MCU: variants seen among roughly 807,000 people sequenced by gnomAD.
The protein encoded by MCU is calcium uniporter protein, mitochondrial.
Under a neutral mutation model 45.2 loss-of-function variants are expected in MCU, and 12 were observed. That is an observed-to-expected ratio of 0.27 (90% CI 0.17 to 0.43). MCU has a LOEUF of 0.43. MCU is among the 20% of genes least tolerant of loss of function. The pLI, the probability that MCU is intolerant of heterozygous loss-of-function variation, is 1.00. For missense variants in MCU, 324 were observed against 436.7 expected (o/e 0.74, Z 2.30); for synonymous variants, 160 against 165.1 (o/e 0.97, Z 0.24).
intron 1 of MCU, among the ~76,000 whole-genome samples, chr10:72,697,422 T>C (rs569609918): frequency 2.4e-4 from 34 of 143,532 alleles, no homozygotes; most frequent in Admixed American, 4.9e-4. Flanking sequence ...CAGGCCAGAC[T>C]TCTATTTTTT....
chr10:72,839,942 T>C (rs1845022641), intron 2 of MCU, among the ~76,000 whole-genome samples: 1 of 115,752 alleles, frequency 8.6e-6, no homozygotes, highest in Non-Finnish European at 1.6e-5. Flanking sequence ...CCAGCCTGGG[T>C]GACAAAGCGA....
intron 1 of MCU, among the ~76,000 whole-genome samples, chr10:72,729,262 C>G (rs940057616): frequency 2.0e-5 from 3 of 152,042 alleles, no homozygotes; most frequent in Admixed American, 6.6e-5. Flanking sequence ...GTCAGGAGTT[C>G]GAGACCAGCC....
At chr10:72,743,412 CAA>C (rs374429962) in intron 1 of MCU, among the ~76,000 whole-genome samples, 162 of 74,436 alleles carry the variant, frequency 2.2e-3, no homozygotes, top group Middle Eastern at 8.3e-3. Context: ...TACTCCATCT[CAA>C]AAAAAAAAAA....
intron 1 of MCU, among the ~76,000 whole-genome samples, chr10:72,745,417 C>T (rs2132702754): frequency 6.6e-6 from 1 of 152,266 alleles, no homozygotes; most frequent in Non-Finnish European, 1.5e-5. Flanking sequence ...TTAGTAGAAA[C>T]AGCGTTTCAC....
At chr10:72,789,174 A>G (rs1241282740) in intron 1 of MCU, among the ~76,000 whole-genome samples, 1 of 152,170 alleles carries the variant, frequency 6.6e-6, no homozygotes, top group Non-Finnish European at 1.5e-5. Context: ...TGACTGTACC[A>G]GTTCTGAAAA....
chr10:72,839,951 G>A (rs1018688823), intron 2 of MCU, among the ~76,000 whole-genome samples: 5 of 128,512 alleles, frequency 3.9e-5, no homozygotes, highest in Admixed American at 1.6e-4. Context: ...GTGACAAAGC[G>A]AGACTCCGTC....
intron 1 of MCU, among the ~76,000 whole-genome samples, chr10:72,805,680 G>A (rs1476065509): frequency 1.3e-5 from 2 of 151,966 alleles, no homozygotes; most frequent in Non-Finnish European, 2.9e-5. Context: ...ATTCAACTGT[G>A]CTATAGAAAG....
At chr10:72,705,379 T>C (rs1038014621) in intron 1 of MCU, among the ~76,000 whole-genome samples, 1 of 152,200 alleles carries the variant, frequency 6.6e-6, no homozygotes, top group Non-Finnish European at 1.5e-5. Context: ...ATGAAAATAT[T>C]TGTTGAAAGG....
chr10:72,710,094 G>A (rs544306405), intron 1 of MCU, among the ~76,000 whole-genome samples: 109 of 152,262 alleles, frequency 7.2e-4, no homozygotes, highest in Non-Finnish European at 1.1e-3. Flanking sequence ...TCCTGCCTCA[G>A]CCTCCTGAGT....
chr10:72,733,926 A>T (rs1409899374), intron 1 of MCU, among the ~76,000 whole-genome samples: 1 of 151,982 alleles, frequency 6.6e-6, no homozygotes, highest in African/African-American at 2.4e-5. Context: ...AATATTTTTT[A>T]AAATTCAGAA....
chr10:72,855,417 C>T (rs1479219754), intron 2 of MCU, among the ~76,000 whole-genome samples: 20 of 150,208 alleles, frequency 1.3e-4, no homozygotes, highest in Admixed American at 1.3e-3. Context: ...GTCTCTACCC[C>T]CACCAAAAAA....
intron 1 of MCU, among the ~76,000 whole-genome samples, chr10:72,721,766 G>C (rs1485681336): frequency 2.0e-5 from 3 of 152,104 alleles, no homozygotes; most frequent in Admixed American, 6.6e-5. Flanking sequence ...TAGTCATCTA[G>C]TGCCTTGCTG....
intron 1 of MCU, among the ~76,000 whole-genome samples, chr10:72,796,528 A>T (rs1844248838): frequency 6.6e-6 from 1 of 152,114 alleles, no homozygotes; most frequent in Non-Finnish European, 1.5e-5. Flanking sequence ...TATTTTGTTA[A>T]TTTTTTATTT....
intron 1 of MCU, among the ~76,000 whole-genome samples, chr10:72,833,685 A>T (rs981209996): frequency 2.6e-5 from 4 of 152,248 alleles, no homozygotes; most frequent in African/African-American, 9.6e-5. Flanking sequence ...TGAGAAATGT[A>T]TTCAGTATTC....
intron 6 of MCU, among the ~76,000 whole-genome samples, chr10:72,882,795 C>T (rs1845724215): frequency 6.6e-6 from 1 of 152,104 alleles, no homozygotes; most frequent in Non-Finnish European, 1.5e-5. Flanking sequence ...TGACCCACAC[C>T]CTATTCGTAC....
At chr10:72,831,757 C>G (rs1220928936) in intron 1 of MCU, among the ~76,000 whole-genome samples, 1 of 151,990 alleles carries the variant, frequency 6.6e-6, no homozygotes, top group East Asian at 1.9e-4. Flanking sequence ...ACTGAGGGAG[C>G]CATGTAGTTA....
At chr10:72,880,399 TG>T (rs1351639819) in intron 6 of MCU, among the ~76,000 whole-genome samples, 2 of 150,658 alleles carry the variant, frequency 1.3e-5, no homozygotes, top group African/African-American at 4.9e-5. Flanking sequence ...TAGCAACAAA[TG>T]GTTAGAAAAT....
At chr10:72,730,920 T>C (rs1843164037) in intron 1 of MCU, 1 of 152,170 alleles carries the variant, frequency 6.6e-6, no homozygotes. Flanking sequence ...CAGTTGTGAG[T>C]TCTGATCAGC....
At chr10:72,871,654 C>T in intron 6 of MCU, 74 bp downstream of exon 6, 1 of 1,333,302 alleles carries the variant, frequency 7.5e-7, no homozygotes, top group South Asian at 1.2e-5. Flanking sequence ...TCTTTTTTCT[C>T]ATCTTCTAAA....
Sources: gnomAD v4.1 joint callset for allele counts (sites outside exome capture counted in the v4.1 genomes callset) on GRCh38, gnomAD v4.1.1 for gene constraint, MANE v1.5 for transcripts, NCBI Gene and HGNC (gene_info 2026-07-23, HGNC 2026-07-21) for gene names.